GLP2R: variants seen among roughly 807,000 people sequenced by gnomAD.
The protein encoded by GLP2R is glucagon like peptide 2 receptor, also known as glucagon-like peptide 2 receptor.
Under a neutral mutation model 68.2 loss-of-function variants are expected in GLP2R, and 59 were observed. The ratio of observed to expected loss-of-function variants is 0.87; its 90% CI spans 0.70 to 1.07. GLP2R has a LOEUF of 1.07. Among genes scored for constraint, GLP2R ranks in the 50% least tolerant of loss-of-function variants. The probability of loss-of-function intolerance (pLI) is 0.00; values close to 1 mark genes in which losing one functional copy is unlikely to be tolerated. For missense variants in GLP2R, 548 were observed against 677.4 expected (o/e 0.81, Z 2.12); for synonymous variants, 270 against 265.4 (o/e 1.02, Z -0.17).
intron 4 of GLP2R, among the ~76,000 whole-genome samples, chr17:9,847,350 A>G (rs1320284699): frequency 6.6e-6 from 1 of 151,808 alleles, no homozygotes. Context: ...GCTCACTGCA[A>G]CCTCCGCCTT....
At position 9,847,981 on chromosome 17, in the gene GLP2R, G is replaced by C. The variant is rs554346377; in HGVS notation, c.504+5365G>C. The stretch of plus-strand genomic sequence containing the variant: ...CCTGCTCAACATAGCAAGATTCCAT[G>C]TCTAATCTTCCATCAGACGTGAAGA... On this transcript the variant is annotated intron_variant, in intron 4 of 12. Transcript: ENST00000262441. Among the ~76,000 whole-genome samples the C allele has an allele frequency of 2.6e-5, 4 of 152,276 alleles. No individual in the cohort carries two copies. The South Asian group carries it at 8.3e-4, about 32-fold the overall frequency.
chr17:9,835,105 T>C (rs560264777), intron 2 of GLP2R, among the ~76,000 whole-genome samples: 1 of 137,570 alleles, frequency 7.3e-6, no homozygotes, highest in Non-Finnish European at 1.5e-5. Flanking sequence ...CTCAGCTCAC[T>C]ACAACCTCCA....
intron 4 of GLP2R, among the ~76,000 whole-genome samples, chr17:9,846,749 A>T (rs2066842491): frequency 6.6e-6 from 1 of 152,240 alleles, no homozygotes; most frequent in Non-Finnish European, 1.5e-5. Context: ...GAGGACAAAT[A>T]AAAAAATTCT....
chr17:9,868,324 G>A (rs1214865713), intron 9 of GLP2R, among the ~76,000 whole-genome samples: 2 of 152,148 alleles, frequency 1.3e-5, no homozygotes, highest in Non-Finnish European at 2.9e-5. Flanking sequence ...GAGTTTAGGG[G>A]TAGATGAGGC....
chr17:9,859,224 T>G (rs72822173), intron 6 of GLP2R, among the ~76,000 whole-genome samples: 3 of 152,338 alleles, frequency 2.0e-5, no homozygotes, highest in African/African-American at 7.2e-5. Flanking sequence ...GATCCATGGA[T>G]TGCTTAGAAG....
chr17:9,888,336 T>G (rs1597408981), intron 12 of GLP2R, among the ~76,000 whole-genome samples: 1 of 152,270 alleles, frequency 6.6e-6, no homozygotes, highest in East Asian at 1.9e-4. Context: ...CCGCACTTTG[T>G]TTAGCCTCAC....
intron 9 of GLP2R, among the ~76,000 whole-genome samples, chr17:9,863,315 T>C: frequency 6.6e-6 from 1 of 152,230 alleles, no homozygotes; most frequent in East Asian, 1.9e-4. Context: ...AAGTGCTTTG[T>C]GTATGAGTGT....
chr17:9,858,587 G>T (rs977442925), intron 6 of GLP2R, among the ~76,000 whole-genome samples: 3 of 152,194 alleles, frequency 2.0e-5, no homozygotes, highest in Non-Finnish European at 4.4e-5. Context: ...TTGATAGATT[G>T]TGCCAATTAA....
chr17:9,844,668 C>CTTTTTTTTTTTTTTTTTTTTTT lies in GLP2R; in HGVS notation c.504+2069_504+2090dup, dbSNP rs71139004. On this transcript the variant is annotated intron_variant, in intron 4 of 12. Transcript: ENST00000262441. ...ATTCTCAATATTTTACTACCTAATT[C>CTTTTTTTTTTTTTTTTTTTTTT]TTTTTTTTTTTTTTTTTTTTTTTTT... 1.1e-4 allele frequency among the ~76,000 whole-genome samples: 5 copies of CTTTTTTTTTTTTTTTTTTTTTT among 44,316 alleles called. 2 individuals are homozygous for CTTTTTTTTTTTTTTTTTTTTTT. Among genetic ancestry groups the CTTTTTTTTTTTTTTTTTTTTTT allele is most frequent in the Non-Finnish European group, 2.3e-4 (5 of 21,402 alleles). 29.1% of individuals were successfully genotyped at this position (44,316 alleles called of 152,430 possible). A position where few individuals can be genotyped will look rare whatever the true frequency, so the allele number is the denominator to read the frequency against.
At chr17:9,840,798 G>A (rs2066779194) in intron 3 of GLP2R, among the ~76,000 whole-genome samples, 1 of 152,156 alleles carries the variant, frequency 6.6e-6, no homozygotes, top group South Asian at 2.1e-4. Context: ...GTTCAGGAGG[G>A]AAGGAGACAG....
intron 3 of GLP2R, among the ~76,000 whole-genome samples, chr17:9,842,140 T>A (rs544205465): frequency 6.6e-6 from 1 of 152,288 alleles, no homozygotes; most frequent in South Asian, 2.1e-4. Flanking sequence ...CTCTTCTGCA[T>A]GGCATGAGCC....
At chr17:9,845,748 C>CGT (rs60266643) in intron 4 of GLP2R, among the ~76,000 whole-genome samples, 5,118 of 148,414 alleles carry the variant, frequency 0.034, 229 homozygotes, top group African/African-American at 0.1. Flanking sequence ...TGTGTGTGTG[C>CGT]GTGTGTGTGT....
intron 9 of GLP2R, among the ~76,000 whole-genome samples, chr17:9,870,153 T>G (rs973421529): frequency 6.6e-6 from 1 of 152,158 alleles, no homozygotes; most frequent in African/African-American, 2.4e-5. Context: ...ATCCCATGAA[T>G]CTGGGTTTAA....
rs200310920 is a variant in GLP2R at position 9,833,905 on chromosome 17, G to A, written c.277+11G>A. 5.8e-6 allele frequency: 9 copies of A among 1,550,480 alleles called. No homozygotes were observed. In the Admixed American group the frequency reaches 1.2e-4, roughly 20 times the overall value. On this transcript the variant is annotated intron_variant, in intron 2 of 12. Coordinates refer to ENST00000262441, the MANE Select transcript of GLP2R (RefSeq NM_004246.3). ...TCAAGGAACCTTCTGGTAAGCATGT[G>A]TATTAGTTATCCGTGGCTGTGTAAC...
At chr17:9,882,648 G>A (rs866971255) in intron 11 of GLP2R, among the ~76,000 whole-genome samples, 1 of 152,146 alleles carries the variant, frequency 6.6e-6, no homozygotes, top group South Asian at 2.1e-4. Context: ...ATTGGCAAAG[G>A]GTATGGAAGT....
At chr17:9,878,561 ACCACACAGCCAAGGC>A (rs1393320863) in intron 10 of GLP2R, among the ~76,000 whole-genome samples, 4 of 152,148 alleles carry the variant, frequency 2.6e-5, no homozygotes, top group Non-Finnish European at 4.4e-5. Flanking sequence ...GCTCAAGAGA[ACCACACAGCCAAGGC>A]CCATGATTCC....
intron 10 of GLP2R, among the ~76,000 whole-genome samples, chr17:9,873,020 T>C (rs2067109527): frequency 6.6e-6 from 1 of 152,194 alleles, no homozygotes; most frequent in Non-Finnish European, 1.5e-5. Flanking sequence ...ACGCTGTCTC[T>C]CTTGGCGCCT....
At chr17:9,888,116 G>A (rs535453304) in intron 12 of GLP2R, 143 bp downstream of exon 12, 12 of 767,418 alleles carry the variant, frequency 1.6e-5, no homozygotes, top group East Asian at 7.3e-5. Flanking sequence ...TGTATTGTGA[G>A]CTTCCGGTAC....
intron 9 of GLP2R, among the ~76,000 whole-genome samples, chr17:9,867,561 A>C (rs2067050650): frequency 6.6e-6 from 1 of 152,292 alleles, no homozygotes; most frequent in African/African-American, 2.4e-5. Context: ...TTAGAGTTGA[A>C]TCATCTCGGA....
Sources: gnomAD v4.1 joint callset for allele counts (sites outside exome capture counted in the v4.1 genomes callset) on GRCh38, gnomAD v4.1.1 for gene constraint, MANE v1.5 for transcripts, NCBI Gene and HGNC (gene_info 2026-07-23, HGNC 2026-07-21) for gene names.